SOX6: variants seen among roughly 807,000 people sequenced by gnomAD.
The protein encoded by SOX6 is transcription factor SOX-6.
Under a neutral mutation model 97.8 loss-of-function variants are expected in SOX6, and 11 were observed. The observed-to-expected ratio is 0.11, with a 90% CI of 0.07 to 0.19. SOX6 has a LOEUF of 0.19. Among genes scored for constraint, SOX6 ranks in the 10% least tolerant of loss-of-function variants. The pLI is 1.00. For synonymous variants in SOX6, 360 were observed against 371.4 expected (o/e 0.97, Z 0.35); for missense variants, 810 against 1,039.5 (o/e 0.78, Z 3.04).
chr11:16,127,900 A>G (rs1339854393), intron 6 of SOX6, among the ~76,000 whole-genome samples: 1 of 152,196 alleles, frequency 6.6e-6, no homozygotes, highest in Non-Finnish European at 1.5e-5. Context: ...CATACATTTG[A>G]ATGTTCAAGT....
At chr11:16,592,918 A>G (rs1848171390) in intron 4 of SOX6, among the ~76,000 whole-genome samples, 1 of 152,174 alleles carries the variant, frequency 6.6e-6, no homozygotes, top group African/African-American at 2.4e-5. Context: ...TCATTGAAAT[A>G]AAAACAAAAC....
chr11:16,064,237 T>C (rs1305131558), intron 9 of SOX6, among the ~76,000 whole-genome samples: 1 of 151,636 alleles, frequency 6.6e-6, no homozygotes, highest in Non-Finnish European at 1.5e-5. Flanking sequence ...AAAGTATAAG[T>C]AGACAGAGCT....
chr11:16,628,051 G>C (rs1565197426), intron 3 of SOX6, among the ~76,000 whole-genome samples: 1 of 152,194 alleles, frequency 6.6e-6, no homozygotes, highest in Non-Finnish European at 1.5e-5. Context: ...TGAATAGGGA[G>C]TCCTTTCCCC....
At chr11:16,153,777 C>T (rs983211043) in intron 6 of SOX6, among the ~76,000 whole-genome samples, 4 of 152,128 alleles carry the variant, frequency 2.6e-5, no homozygotes, top group Middle Eastern at 3.4e-3. Flanking sequence ...ATCTCAAACT[C>T]AAGTTTTCCA....
intron 6 of SOX6, among the ~76,000 whole-genome samples, chr11:16,160,534 A>T (rs1850720721): frequency 6.6e-6 from 1 of 152,188 alleles, no homozygotes; most frequent in African/African-American, 2.4e-5. Context: ...AGTGTTGTAA[A>T]ATTACTTTAC....
At chr11:16,165,861 G>A (rs1850874778) in intron 6 of SOX6, among the ~76,000 whole-genome samples, 3 of 149,986 alleles carry the variant, frequency 2.0e-5, no homozygotes, top group South Asian at 2.1e-4. Context: ...TGGCGCCACT[G>A]CACTACAGCC....
At chr11:16,512,796 C>T (rs1010305333) in intron 4 of SOX6, among the ~76,000 whole-genome samples, 1 of 152,226 alleles carries the variant, frequency 6.6e-6, no homozygotes, top group African/African-American at 2.4e-5. Flanking sequence ...ATGTAAAAAA[C>T]TCAAGTAAAT....
At chr11:16,720,337 T>C (rs558793954) in intron 2 of SOX6, among the ~76,000 whole-genome samples, 2 of 140,904 alleles carry the variant, frequency 1.4e-5, no homozygotes, top group South Asian at 5.0e-4. Flanking sequence ...ATGTGGCACA[T>C]ATACACCATG....
chr11:16,126,340 A>C (rs1849613217), intron 6 of SOX6, among the ~76,000 whole-genome samples: 1 of 152,144 alleles, frequency 6.6e-6, no homozygotes, highest in South Asian at 2.1e-4. Flanking sequence ...TCTTTGATTT[A>C]ACATTTTAAA....
At chr11:16,032,506 C>A (rs1041739665) in intron 12 of SOX6, among the ~76,000 whole-genome samples, 2 of 152,082 alleles carry the variant, frequency 1.3e-5, no homozygotes, top group African/African-American at 4.8e-5. Context: ...AGAGTGGGAG[C>A]AACTTATTAG....
rs888654714 is a variant in SOX6 at position 16,441,646 on chromosome 11, G to A, written c.-5+34669C>T. ...TATCCTCAATGTATGGCAAATATTC[G>A]AAAATTGTAAACAGTGATGTTTAGA... On this transcript the variant is annotated intron_variant, in intron 1 of 15. Transcript: ENST00000396356. 5.3e-5 allele frequency among the ~76,000 whole-genome samples: 8 copies of A among 152,118 alleles called. No homozygotes were observed. The South Asian group carries it at 6.2e-4, about 12-fold the overall frequency.
chr11:16,298,747 G>A (rs1312492932), intron 3 of SOX6, among the ~76,000 whole-genome samples: 2 of 151,670 alleles, frequency 1.3e-5, no homozygotes, highest in Non-Finnish European at 2.9e-5. Flanking sequence ...GCTATTCCTT[G>A]GAACACTTAT....
intron 3 of SOX6, among the ~76,000 whole-genome samples, chr11:16,306,581 T>C (rs1855438606): frequency 6.6e-6 from 1 of 151,980 alleles, no homozygotes; most frequent in Non-Finnish European, 1.5e-5. Context: ...GATAAAAATC[T>C]TGTCCTGAGA....
chr11:16,680,792 AC>A (rs1465160152), intron 3 of SOX6, among the ~76,000 whole-genome samples: 1 of 152,226 alleles, frequency 6.6e-6, no homozygotes, highest in Admixed American at 6.5e-5. Context: ...AAACAAAAAA[AC>A]GCAGGGGCTG....
chr11:16,222,671 T>A (rs1252688114), intron 4 of SOX6, among the ~76,000 whole-genome samples: 1 of 152,132 alleles, frequency 6.6e-6, no homozygotes, highest in African/African-American at 2.4e-5. Flanking sequence ...CTGTCAAAAA[T>A]TTGAGCACTT....
chr11:16,635,873 T>C (rs1477960199), intron 3 of SOX6, among the ~76,000 whole-genome samples: 1 of 152,224 alleles, frequency 6.6e-6, no homozygotes, highest in Non-Finnish European at 1.5e-5. Context: ...GTGTTGGTCC[T>C]GTGGGTGTGC....
intron 3 of SOX6, among the ~76,000 whole-genome samples, chr11:16,686,285 G>A (rs952398844): frequency 1.3e-5 from 2 of 152,190 alleles, no homozygotes; most frequent in Non-Finnish European, 2.9e-5. Context: ...ACATGGCTAG[G>A]CCACAAATAT....
chr11:16,680,123 C>A (rs1294690466), intron 3 of SOX6, among the ~76,000 whole-genome samples: 3 of 152,130 alleles, frequency 2.0e-5, no homozygotes, highest in Admixed American at 6.6e-5. Context: ...CACAAAGATA[C>A]TCCGTGAGAA....
Position 16,613,977 on chromosome 11 carries a change from C to T in SOX6, n.430-1717G>A, listed in dbSNP as rs183535019. On this transcript the variant is annotated intron_variant and non_coding_transcript_variant, in intron 3 of 5. Coordinates refer to the SOX6 transcript ENST00000524520. This position sits in a 1 kb window ranked among gnomAD's most constrained non-coding sequence, Gnocchi z 4.6. Reference sequence around the variant, plus strand: ...CGGGCGGGCGGGCCACGCTAGGCGCCGTCTGCCCTCAGAGACTCGGGCTGA... The same window carrying T: ...CGGGCGGGCGGGCCACGCTAGGCGCTGTCTGCCCTCAGAGACTCGGGCTGA... Among the ~76,000 whole-genome samples, 1 of 152,170 alleles carries T rather than the reference C, an allele frequency of 6.6e-6. No individual in the cohort carries two copies. The highest frequency in any genetic ancestry group is 1.5e-5 in the Non-Finnish European group (1 of 68,024).
Sources: gnomAD v4.1 joint callset for allele counts (sites outside exome capture counted in the v4.1 genomes callset) on GRCh38, gnomAD v4.1.1 for gene constraint, Gnocchi (gnomAD v3.1) non-coding constraint, MANE v1.5 for transcripts, NCBI Gene and HGNC (gene_info 2026-07-23, HGNC 2026-07-21) for gene names.